LRP12: variants seen among roughly 807,000 people sequenced by gnomAD.
The protein encoded by LRP12 is LDL receptor related protein 12.
In LRP12, 14 loss-of-function variants were observed where a neutral mutation model predicts 66.0. That is an observed-to-expected ratio of 0.21 (90% CI 0.14 to 0.33). LRP12 has a LOEUF of 0.33. LRP12 is among the 10% of genes least tolerant of loss of function. The pLI, the probability that LRP12 is intolerant of heterozygous loss-of-function variation, is 1.00. For synonymous variants in LRP12, 357 were observed against 359.1 expected, an observed-to-expected ratio of 0.99 and a Z score of 0.07; for missense variants, 889 against 1,053.4, an observed-to-expected ratio of 0.84 and a Z score of 2.16.
At chr8:104,565,255 C>T (rs1337867979) in intron 1 of LRP12, among the ~76,000 whole-genome samples, 2 of 152,008 alleles carry the variant, frequency 1.3e-5, no homozygotes, top group African/African-American at 4.8e-5. Flanking sequence ...AGAATAATAT[C>T]GATATGCTCA....
intron 2 of LRP12, among the ~76,000 whole-genome samples, chr8:104,513,107 A>C (rs1480531024): frequency 6.6e-6 from 1 of 152,208 alleles, no homozygotes. Flanking sequence ...TATGTAGACA[A>C]ATATGCTGTA....
At position 104,537,206 on chromosome 8, in the gene LRP12, C is replaced by G. The variant is rs79049525; in HGVS notation, c.80-5243G>C. Among the ~76,000 whole-genome samples, 645 of 152,002 alleles carry G rather than the reference C, an allele frequency of 4.2e-3. 7 individuals are homozygous for G. Among genetic ancestry groups the G allele is most frequent in the African/African-American group, 0.015 (616 of 41,468 alleles). On this transcript the variant is annotated intron_variant, in intron 1 of 6. Transcript: ENST00000276654. ...TGGACTCTGGCATATTGAGGGAGAA[C>G]CCAAGCAAAGCAGGGAGATCTTGCT...
At chr8:104,557,530 A>G (rs11782889) in intron 1 of LRP12, among the ~76,000 whole-genome samples, 21,966 of 135,044 alleles carry the variant, frequency 0.16, 2,359 homozygotes, top group African/African-American at 0.33. Context: ...TGCAATAGCT[A>G]AAAAAAAAAA....
At chr8:104,578,171 G>C (rs1812194833) in intron 1 of LRP12, among the ~76,000 whole-genome samples, 1 of 150,848 alleles carries the variant, frequency 6.6e-6, no homozygotes. Context: ...ATAAAGAAGA[G>C]AGAAAATTCA....
intron 1 of LRP12, among the ~76,000 whole-genome samples, chr8:104,588,034 A>T (rs1812361691): frequency 6.6e-6 from 1 of 152,200 alleles, no homozygotes; most frequent in African/African-American, 2.4e-5. Context: ...AGCTGTCCGC[A>T]CAGTCTTCAG....
intron 1 of LRP12, among the ~76,000 whole-genome samples, chr8:104,545,868 T>C (rs753657784): frequency 1.2e-4 from 19 of 152,142 alleles, no homozygotes; most frequent in Non-Finnish European, 2.8e-4. Flanking sequence ...TTCTTCTTGG[T>C]TTATTAAGTT....
intron 1 of LRP12, among the ~76,000 whole-genome samples, chr8:104,534,068 CAA>C (rs35546158): frequency 8.1e-5 from 11 of 135,826 alleles, no homozygotes; most frequent in South Asian, 4.6e-4. Context: ...TTTATAATAG[CAA>C]AAAAAAAAAA....
chr8:104,588,375 G>C lies in LRP12; in HGVS notation c.79+444C>G, dbSNP rs569714814. On this transcript the variant is annotated intron_variant, in intron 1 of 6. Coordinates refer to ENST00000276654, the MANE Select transcript of LRP12 (RefSeq NM_013437.5). ...CTGGCGCGGTGGGAATCTCGCCGGT[G>C]AGAGAACTTCCTAACCCCGGGTTGA... Among the ~76,000 whole-genome samples, 5 of 152,298 alleles carry C rather than the reference G, an allele frequency of 3.3e-5. No individual in the cohort carries two copies. In the South Asian group the frequency reaches 6.2e-4, roughly 19 times the overall value.
At chr8:104,537,554 A>G (rs1056419791) in intron 1 of LRP12, among the ~76,000 whole-genome samples, 8 of 152,128 alleles carry the variant, frequency 5.3e-5, no homozygotes, top group African/African-American at 1.9e-4. Context: ...CAGGAAGTCC[A>G]CCCACACCTT....
intron 1 of LRP12, among the ~76,000 whole-genome samples, chr8:104,544,697 G>T (rs1209198261): frequency 1.3e-5 from 2 of 152,108 alleles, no homozygotes; most frequent in Non-Finnish European, 2.9e-5. Flanking sequence ...ATTGTTTACT[G>T]AATATTTTAA....
At chr8:104,584,765 CAATT>C (rs1247276159) in intron 1 of LRP12, among the ~76,000 whole-genome samples, 1 of 152,094 alleles carries the variant, frequency 6.6e-6, no homozygotes, top group Non-Finnish European at 1.5e-5. Flanking sequence ...TTATGTTAAG[CAATT>C]AATTCAATTT....
chr8:104,547,519 A>G (rs1165589100), intron 1 of LRP12, among the ~76,000 whole-genome samples: 2 of 123,356 alleles, frequency 1.6e-5, no homozygotes, highest in African/African-American at 3.5e-5. Context: ...TATATAATAT[A>G]TAATTGTTAT....
At chr8:104,495,725 A>C (rs796325190) in intron 5 of LRP12, 3 of 152,524 alleles carry the variant, frequency 2.0e-5, no homozygotes, top group African/African-American at 7.2e-5. Context: ...GTCTGGGACC[A>C]GCCTGGCCAA....
chr8:104,497,294 A>G lies in LRP12; in HGVS notation c.1258T>C (p.Cys420Arg). The change falls in exon 5 of 7, where the codon TGT becomes CGT. Residue 420 changes from cysteine to arginine, a missense_variant. Cys to Arg is a radical substitution (Grantham distance 180, BLOSUM62 -3). Around this residue, in one of 3 missense-constraint regions of LRP12, gnomAD observed 800 missense variants for 964.5 expected, o/e 0.83. Coordinates refer to ENST00000276654, the MANE Select transcript of LRP12 (RefSeq NM_013437.5). The surrounding 1 kb of genome is among the most constrained non-coding windows in gnomAD (Gnocchi z 4.3). Reference sequence around the variant, plus strand: ...GGATAACAGACACCATTTCGGGAACATGGAAATTCTTCCTTCTGGCACATG... The same window carrying G: ...GGATAACAGACACCATTTCGGGAACGTGGAAATTCTTCCTTCTGGCACATG... ...CTMCQKEEFP[C>R]SRNGVCYPRS... 1 of 1,614,188 alleles carries G rather than the reference A, an allele frequency of 6.2e-7. No individual in the cohort carries two copies. The highest frequency in any genetic ancestry group is 8.5e-7 in the Non-Finnish European group (1 of 1,180,022).
At chr8:104,548,599 G>GAATTATATAATTAAATTAATTATAT (rs1811672793) in intron 1 of LRP12, among the ~76,000 whole-genome samples, 4 of 66,062 alleles carry the variant, frequency 6.1e-5, no homozygotes, top group African/African-American at 2.7e-4. Context: ...ATATAATATA[G>GAATTATATAATTAAATTAATTATAT]AATTATATAA....
intron 1 of LRP12, among the ~76,000 whole-genome samples, chr8:104,583,358 C>T (rs1199624771): frequency 2.6e-5 from 4 of 152,066 alleles, no homozygotes; most frequent in African/African-American, 9.7e-5. Context: ...TGCAACATAC[C>T]AGCTCTTTCC....
intron 1 of LRP12, among the ~76,000 whole-genome samples, chr8:104,561,508 T>A (rs2140887545): frequency 6.6e-6 from 1 of 152,334 alleles, no homozygotes; most frequent in East Asian, 1.9e-4. Flanking sequence ...TGTCATTACT[T>A]CCACATTCAT....
At chr8:104,559,558 T>C (rs1185294565) in intron 1 of LRP12, among the ~76,000 whole-genome samples, 1 of 151,914 alleles carries the variant, frequency 6.6e-6, no homozygotes, top group East Asian at 1.9e-4. Context: ...AAATCACCAC[T>C]AAACAACTTA....
intron 1 of LRP12, among the ~76,000 whole-genome samples, chr8:104,576,676 T>C (rs912320048): frequency 1.3e-5 from 2 of 152,042 alleles, no homozygotes; most frequent in African/African-American, 2.4e-5. Flanking sequence ...TACAGACCAA[T>C]GACACTATAA....
Sources: gnomAD v4.1 joint callset for allele counts (sites outside exome capture counted in the v4.1 genomes callset) on GRCh38, gnomAD v4.1.1 for gene constraint, gnomAD v4.1.1 regional missense constraint, Gnocchi (gnomAD v3.1) non-coding constraint, MANE v1.5 for transcripts, NCBI Gene and HGNC (gene_info 2026-07-23, HGNC 2026-07-21) for gene names.